The following ZNF304 variants were observed in gnomAD, a reference collection of about 807,000 sequenced individuals.
ZNF304 encodes the protein KRAB-containing zinc finger protein.
ZNF304 carries 7 observed loss-of-function variants against 7.8 expected under a neutral mutation model. That is an observed-to-expected ratio of 0.90 (90% confidence interval 0.51 to 1.69). The LOEUF (loss-of-function observed/expected upper bound fraction) is 1.69, where lower values mean the gene tolerates loss of function less well. Ranked by LOEUF, ZNF304 falls within the 40% of genes most tolerant of loss-of-function variation. ZNF304 has a pLI of 0.00. For synonymous variants in ZNF304, 280 were observed against 272.4 expected (o/e 1.03, Z -0.27); for missense variants, 669 against 804.8 (o/e 0.83, Z 2.04).
In ZNF304 at chr19:57,356,191, C is replaced by T. The variant is rs1287081247; in HGVS notation, c.322C>T (p.Gln108Ter). 6.2e-7 allele frequency: 1 copy of T among 1,614,068 alleles called. No individual in the cohort carries two copies. Residue 108 changes from glutamine (Q) to a stop codon, truncating the protein, a stop_gained, in exon 3 of 3, where the codon CAG becomes TAG. Coordinates refer to ENST00000282286, the MANE Select transcript of ZNF304 (RefSeq NM_020657.4). LOFTEE classifies it low-confidence loss of function (END_TRUNC). ...LKDILHLAEH[Q>*]GSHLTQKLCT... is the part of the protein sequence containing the mutation. ...AGACATTTTGCACCTGGCTGAACAC[C>T]AGGGATCACACCTTACACAGAAACT...
At position 57,351,882 on chromosome 19, in the gene ZNF304, A is replaced by T; in HGVS notation, c.33+185A>T. Reference sequence around the variant, plus strand: ...AGGGGCAGTTCGTACAAATGCATGCATGGAGAGGAGAATGAGTTTGGGGAG... The same window carrying T: ...AGGGGCAGTTCGTACAAATGCATGCTTGGAGAGGAGAATGAGTTTGGGGAG... On this transcript the variant is annotated intron_variant, in intron 1 of 2. Transcript: ENST00000282286. This position sits in a 1 kb window ranked among gnomAD's most constrained non-coding sequence, Gnocchi z 4.1. 1 of 586,580 alleles carries T rather than the reference A, an allele frequency of 1.7e-6. No individual in the cohort carries two copies. Among genetic ancestry groups the T allele is most frequent in the Non-Finnish European group, 2.9e-6 (1 of 342,738 alleles). The allele number at this position is 586,580 out of a possible 1,614,324, so 36.3% of individuals were successfully genotyped here. A position where few individuals can be genotyped will look rare whatever the true frequency, so the allele number is the denominator to read the frequency against.
chr19:57,356,887 T>C lies in ZNF304; in HGVS notation c.1018T>C (p.Cys340Arg). The C allele has an allele frequency of 6.2e-7, 1 of 1,614,064 alleles. No homozygotes were observed. Among genetic ancestry groups the C allele is most frequent in the Non-Finnish European group, 8.5e-7 (1 of 1,180,004 alleles). Residue 340 changes from cysteine to arginine, a missense_variant, in exon 3 of 3, where the codon TGT (cysteine) becomes CGT (arginine). Cys to Arg is a radical substitution (Grantham distance 180). Coordinates refer to ENST00000282286, the MANE Select transcript of ZNF304 (RefSeq NM_020657.4). ...TGERSYDCSE[C>R]GKAYSRSSHL... ...AGAAAGATCTTATGACTGCAGTGAA[T>C]GTGGAAAAGCCTACAGCAGAAGCTC... is the stretch of plus-strand genomic sequence containing the variant.
rs768464113 is a variant in ZNF304, at chr19:57,359,042, A to G, written c.*1193A>G. On this transcript the variant is annotated 3_prime_UTR_variant, in exon 3 of 3. Transcript: ENST00000282286. ...ATTCGAACATTCTAGAGGGGCATCC[A>G]CAAGTCTCGGTGCAGTTATGATGGT... is the stretch of plus-strand genomic sequence containing the variant. 2 of 152,162 alleles carry G rather than the reference A, an allele frequency of 1.3e-5. No homozygotes were observed. The highest frequency in any genetic ancestry group is 1.5e-5 in the Non-Finnish European group (1 of 68,034). The allele number at this position is 152,162 out of a possible 1,614,324, so 9.4% of individuals were successfully genotyped here. A position where few individuals can be genotyped will look rare whatever the true frequency, so the allele number is the denominator to read the frequency against.
In ZNF304 at chr19:57,356,523, T is replaced by G. The variant is rs1568519166; in HGVS notation, c.654T>G (p.Asp218Glu). The G allele has an allele frequency of 1.2e-6, 2 of 1,614,166 alleles. No homozygotes were observed. The highest frequency in any genetic ancestry group is 1.7e-6 in the Non-Finnish European group (2 of 1,180,032). The stretch of plus-strand genomic sequence containing the variant: ...TCAGGCAACACCAAGGAGACTATGA[T>G]GGACAGATGCTTTTCAGTTGCGGTG... ...SSLRQHQGDYDGQMLFSCGDE... is the reference protein window; with the variant it reads ...SSLRQHQGDYEGQMLFSCGDE... The change falls in exon 3 of 3, where the codon GAT (aspartate) becomes GAG (glutamate). Residue 218 changes from aspartate (D) to glutamate (E), a missense_variant. Asp to Glu is a conservative substitution (Grantham distance 45, BLOSUM62 2). Coordinates refer to ENST00000282286, the MANE Select transcript of ZNF304 (RefSeq NM_020657.4).
Position 57,356,538 on chromosome 19 carries a change from C to T in ZNF304, c.669C>T (p.Phe223=), listed in dbSNP as rs2088343334. The T allele has an allele frequency of 6.2e-7, 1 of 1,614,210 alleles. No individual in the cohort carries two copies. The highest frequency in any genetic ancestry group is 1.3e-5 in the African/African-American group (1 of 75,048). The change falls in exon 3 of 3, where the codon TTC becomes TTT. Residue 223 remains phenylalanine (F), a synonymous_variant. Coordinates refer to ENST00000282286, the MANE Select transcript of ZNF304 (RefSeq NM_020657.4). ...GAGACTATGATGGACAGATGCTTTT[C>T]AGTTGCGGTGATGAAGGGAAAGCCT... ...HQGDYDGQML[F]SCGDEGKAFL...
rs928352428 is a variant in ZNF304, at chr19:57,359,231, C to T, written c.*1382C>T. 6.6e-6 allele frequency: 1 copy of T among 152,182 alleles called. No homozygotes were observed. Among genetic ancestry groups the T allele is most frequent in the Non-Finnish European group, 1.5e-5 (1 of 68,032 alleles). The allele number at this position is 152,182 out of a possible 1,614,324, so 9.4% of individuals were successfully genotyped here. A position where few individuals can be genotyped will look rare whatever the true frequency, so the allele number is the denominator to read the frequency against. ...ACCTCAGCAGTGACAGAAGAGAGAT[C>T]CAGGGATGGGTCTTCTCTGACCCAG... On this transcript the variant is annotated 3_prime_UTR_variant, in exon 3 of 3. Transcript: ENST00000282286.
intron 2 of ZNF304, chr19:57,355,212 A>AT (rs1306774982): frequency 2.0e-5 from 15 of 754,574 alleles, no homozygotes; most frequent in Non-Finnish European, 3.6e-5. Flanking sequence ...TAAACATTCT[A>AT]TTTTCTCTGT....
rs2088272656 is a variant in ZNF304 at position 57,351,469 on chromosome 19, T to TCTTACCGAGGCC, written c.-196_-195insCTTACCGAGGCC. 1.6e-6 allele frequency: 1 copy of TCTTACCGAGGCC among 623,320 alleles called. No individual in the cohort carries two copies. Among genetic ancestry groups the TCTTACCGAGGCC allele is most frequent in the African/African-American group, 1.9e-5 (1 of 53,572 alleles). The allele number at this position is 623,320 out of a possible 1,614,324, so 38.6% of individuals were successfully genotyped here. On this transcript the variant is annotated 5_prime_UTR_variant, in exon 1 of 3. Coordinates refer to ENST00000282286, the MANE Select transcript of ZNF304 (RefSeq NM_020657.4). This position sits in a 1 kb window ranked among gnomAD's most constrained non-coding sequence, Gnocchi z 4.1. Reference sequence around the variant, plus strand: ...CTCTCGCGGAGGTGTCTGCCGGGGCTGGGCTCTTACCGAGGCCTCCACACA... The same window carrying TCTTACCGAGGCC: ...CTCTCGCGGAGGTGTCTGCCGGGGCTCTTACCGAGGCCGGGCTCTTACCGAGGCCTCCACACA...
At chr19:57,355,217 C>G in intron 2 of ZNF304, 1 of 759,514 alleles carries the variant, frequency 1.3e-6, no homozygotes, top group Middle Eastern at 2.7e-4. Flanking sequence ...ATTCTATTTT[C>G]TCTGTGGAGT....
chr19:57,352,815 G>C (rs2088292026), intron 1 of ZNF304: 1 of 152,158 alleles, frequency 6.6e-6, no homozygotes, highest in African/African-American at 2.4e-5. Flanking sequence ...AGAGAGGAGA[G>C]TCGTGGATGA....
chr19:57,351,441 G>T lies in ZNF304; in HGVS notation c.-224G>T, dbSNP rs1052765074. The T allele has an allele frequency of 5.1e-6, 3 of 585,610 alleles. No individual in the cohort carries two copies. The highest frequency in any genetic ancestry group is 6.2e-5 in the Admixed American group (2 of 32,500). 36.3% of individuals were successfully genotyped at this position (585,610 alleles called of 1,614,324 possible). A position where few individuals can be genotyped will look rare whatever the true frequency, so the allele number is the denominator to read the frequency against. ...CCATGACCCCTGTCGTGGGACGGGCGGCCTCTCGCGGAGGTGTCTGCCGGG... is the reference window on the plus strand; with the variant it reads ...CCATGACCCCTGTCGTGGGACGGGCTGCCTCTCGCGGAGGTGTCTGCCGGG... On this transcript the variant is annotated 5_prime_UTR_variant, in exon 1 of 3. Transcript: ENST00000282286. This position sits in a 1 kb window ranked among gnomAD's most constrained non-coding sequence, Gnocchi z 4.1.
Position 57,356,932 on chromosome 19 carries a change from A to C in ZNF304, c.1063A>C (p.Arg355=). The change falls in exon 3 of 3, where the codon AGA becomes CGA. Residue 355 remains arginine, a synonymous_variant. Coordinates refer to ENST00000282286, the MANE Select transcript of ZNF304 (RefSeq NM_020657.4). ...AAGCTCCCACCTTGTTCAGCACCAG[A>C]GAATTCACACAGGAGAAAGGCCTTA... ...SRSSHLVQHQ[R]IHTGERPYKC... 6.2e-7 allele frequency: 1 copy of C among 1,608,424 alleles called. No individual in the cohort carries two copies. The highest frequency in any genetic ancestry group is 8.5e-7 in the Non-Finnish European group (1 of 1,175,504).
In ZNF304 at chr19:57,351,519, A is replaced by G; in HGVS notation, c.-146A>G. 1 of 1,001,364 alleles carries G rather than the reference A, an allele frequency of 1.0e-6. No individual in the cohort carries two copies. The highest frequency in any genetic ancestry group is 1.4e-5 in the South Asian group (1 of 72,214). 62.0% of individuals were successfully genotyped at this position (1,001,364 alleles called of 1,614,324 possible). On this transcript the variant is annotated 5_prime_UTR_variant, in exon 1 of 3. Coordinates refer to ENST00000282286, the MANE Select transcript of ZNF304 (RefSeq NM_020657.4). The surrounding 1 kb of genome is among the most constrained non-coding windows in gnomAD (Gnocchi z 4.1). ...ACGTCCTCTTGTCCTTGTCTCCCCCAGAAGCAGCCGCCTTAGTCTTGTGAG... is the reference window on the plus strand; with the variant it reads ...ACGTCCTCTTGTCCTTGTCTCCCCCGGAAGCAGCCGCCTTAGTCTTGTGAG...
chr19:57,353,996 G>A (rs1176133478), intron 2 of ZNF304, 145 bp downstream of exon 2: 3 of 714,888 alleles, frequency 4.2e-6, no homozygotes, highest in Admixed American at 3.6e-5. Context: ...TTATTTTGAG[G>A]GTTTTTTTTT....
intron 1 of ZNF304, among the ~76,000 whole-genome samples, chr19:57,352,400 C>T (rs528875266): frequency 6.6e-6 from 1 of 152,078 alleles, no homozygotes; most frequent in Non-Finnish European, 1.5e-5. Flanking sequence ...CCCCACCTGG[C>T]GACCAATGGG....
In ZNF304 at chr19:57,351,793, A is replaced by G. The variant is rs1046527304; in HGVS notation, c.33+96A>G. The stretch of plus-strand genomic sequence containing the variant: ...CACTTCAGGGTGCTCACTCCGTCGC[A>G]TTATGTGGAGGGGTTCCGCTCCCCT... On this transcript the variant is annotated intron_variant, in intron 1 of 2. Transcript: ENST00000282286. This position sits in a 1 kb window ranked among gnomAD's most constrained non-coding sequence, Gnocchi z 4.1. The G allele has an allele frequency of 2.2e-6, 3 of 1,395,146 alleles. No homozygotes were observed. Among genetic ancestry groups the G allele is most frequent in the South Asian group, 2.6e-5 (2 of 75,716 alleles). The allele number at this position is 1,395,146 out of a possible 1,614,324, so 86.4% of individuals were successfully genotyped here. A position where few individuals can be genotyped will look rare whatever the true frequency, so the allele number is the denominator to read the frequency against.
chr19:57,353,866 T>G lies in ZNF304; in HGVS notation c.160+15T>G, dbSNP rs201329594. ...GGCTACACTAGGTAAGTCTGTGTTT[T>G]AGTTATCTAATGCTACATGGCAAAT... On this transcript the variant is annotated intron_variant, in intron 2 of 2. Transcript: ENST00000282286. 147 of 1,556,808 alleles carry G rather than the reference T, an allele frequency of 9.4e-5. No individual in the cohort carries two copies. The African/African-American group carries it at 1.6e-3, about 17-fold the overall frequency.
In ZNF304 at chr19:57,357,573, C is replaced by G; in HGVS notation, c.1704C>G (p.Tyr568Ter). 1 of 1,613,758 alleles carries G rather than the reference C, an allele frequency of 6.2e-7. No individual in the cohort carries two copies. Among genetic ancestry groups the G allele is most frequent in the Non-Finnish European group, 8.5e-7 (1 of 1,179,908 alleles). The change falls in exon 3 of 3, where the codon TAC becomes TAG. Residue 568 changes from tyrosine to a stop codon, truncating the protein, a stop_gained. Coordinates refer to ENST00000282286, the MANE Select transcript of ZNF304 (RefSeq NM_020657.4). LOFTEE classifies it low-confidence loss of function (END_TRUNC). ...PYVCSECGKA[Y>*]ISSSHLVQHK... The stretch of plus-strand genomic sequence containing the variant: ...TGTGCAGTGAATGTGGGAAGGCTTA[C>G]ATTAGTAGCTCCCACCTTGTTCAAC...
chr19:57,355,211 T>A, intron 2 of ZNF304: 1 of 754,548 alleles, frequency 1.3e-6, no homozygotes, highest in Non-Finnish European at 2.4e-6. Flanking sequence ...CTAAACATTC[T>A]ATTTTCTCTG....
Sources: allele counts gnomAD v4.1 joint callset (sites outside exome capture counted in the v4.1 genomes callset), GRCh38; gene constraint gnomAD v4.1.1; non-coding constraint Gnocchi (gnomAD v3.1); transcripts MANE v1.5; gene names NCBI Gene and HGNC (gene_info 2026-07-23, HGNC 2026-07-21).